Variants in CCDC88B observed in about 807,000 individuals in gnomAD.
CCDC88B encodes the protein coiled-coil domain-containing protein 88B.
A neutral mutation model predicts 183.7 loss-of-function variants in CCDC88B; 138 were observed. The ratio of observed to expected loss-of-function variants is 0.75; its 90% CI spans 0.65 to 0.87. The LOEUF is 0.87. Among genes scored for constraint, CCDC88B ranks in the 40% least tolerant of loss-of-function variants. The pLI, the probability that CCDC88B is intolerant of heterozygous loss-of-function variation, is 0.00. For missense variants in CCDC88B, 1,822 were observed against 1,965.6 expected, an observed-to-expected ratio of 0.93 and a Z score of 1.38; for synonymous variants, 835 against 867.5, an observed-to-expected ratio of 0.96 and a Z score of 0.66.
intron 14 of CCDC88B, among the ~76,000 whole-genome samples, chr11:64,348,243 G>C (rs1451214058): frequency 6.6e-6 from 1 of 151,546 alleles, no homozygotes; most frequent in Non-Finnish European, 1.5e-5. Flanking sequence ...CTGAGAGGGT[G>C]GGGGAAGCTA....
At chr11:64,351,700 C>T in intron 18 of CCDC88B, 84 bp downstream of exon 18, 3 of 1,411,616 alleles carry the variant, frequency 2.1e-6, no homozygotes, top group African/African-American at 2.9e-5. Context: ...CTTTTTCTAT[C>T]CCAGCTCCCA....
chr11:64,351,469 T>C lies in CCDC88B; in HGVS notation c.2959-7T>C. The C allele has an allele frequency of 6.3e-7, 1 of 1,584,748 alleles. No individual in the cohort carries two copies. The highest frequency in any genetic ancestry group is 8.5e-7 in the Non-Finnish European group (1 of 1,172,676). On this transcript the variant is annotated splice_region_variant and splice_polypyrimidine_tract_variant and intron_variant, in intron 17 of 26. Coordinates refer to ENST00000356786, the MANE Select transcript of CCDC88B (RefSeq NM_032251.6). ...CCTGGCTATTGCTAACCCCCACTTC[T>C]GGGCAGAATGCGATGCTGGTGGCAG...
intron 2 of CCDC88B, 23 bp downstream of exon 2, chr11:64,340,775 G>A (rs368470572): frequency 1.9e-6 from 3 of 1,591,286 alleles, no homozygotes; most frequent in East Asian, 2.2e-5. Flanking sequence ...GGGCCGGGGC[G>A]GTGGCGGGGA....
intron 22 of CCDC88B, 45 bp downstream of exon 22, chr11:64,353,541 G>C: frequency 6.3e-7 from 1 of 1,596,174 alleles, no homozygotes; most frequent in Non-Finnish European, 8.5e-7. Context: ...CATCCCCTTT[G>C]GGCGTTCCTG....
At chr11:64,349,757 T>G in intron 16 of CCDC88B, 89 bp downstream of exon 16, 1 of 1,260,956 alleles carries the variant, frequency 7.9e-7, no homozygotes, top group Non-Finnish European at 1.1e-6. Context: ...CCTCCTAGTC[T>G]TGCCTCTGGA....
intron 19 of CCDC88B, among the ~76,000 whole-genome samples, 171 bp from the exon 20 acceptor site, chr11:64,352,573 C>T (rs1368395504): frequency 6.6e-6 from 1 of 152,236 alleles, no homozygotes; most frequent in Non-Finnish European, 1.5e-5. Flanking sequence ...CCGTGGGGCT[C>T]ACCTATTGGG....
chr11:64,353,636 C>T (rs2036430305), intron 22 of CCDC88B, 79 bp from the exon 23 acceptor site: 3 of 1,589,484 alleles, frequency 1.9e-6, no homozygotes, highest in Non-Finnish European at 2.6e-6. Flanking sequence ...ACCAGTGCGT[C>T]CTCGCTGCAG....
chr11:64,343,283 C>T lies in CCDC88B; in HGVS notation c.1167C>T (p.Arg389=), dbSNP rs1401495345. 12 of 1,549,852 alleles carry T rather than the reference C, an allele frequency of 7.7e-6. No homozygotes were observed. The East Asian group carries it at 2.9e-4, about 38-fold the overall frequency. Residue 389 remains arginine (R), a synonymous_variant, in exon 11 of 27, where the codon CGC becomes CGT. Transcript: ENST00000356786. The stretch of plus-strand genomic sequence containing the variant: ...GCGCCCGGCTGCACGAGACCCAGCG[C>T]GAGAACCTGCTGCTGCGAACCCGGC... ...ERCARLHETQ[R]ENLLLRTRLG...
chr11:64,357,418 C>T lies in CCDC88B; in HGVS notation c.*324C>T. 1.4e-6 allele frequency: 1 copy of T among 717,344 alleles called. No individual in the cohort carries two copies. The highest frequency in any genetic ancestry group is 2.6e-6 in the Non-Finnish European group (1 of 385,044). The allele number at this position is 717,344 out of a possible 1,614,324, so 44.4% of individuals were successfully genotyped here. On this transcript the variant is annotated 3_prime_UTR_variant, in exon 27 of 27. Transcript: ENST00000356786. ...TGGCAGGAGTTGGCAAGAGAACCCC[C>T]TGCCCTGTCCAGGTGGGAAGCTGAG...
chr11:64,352,606 A>G, intron 19 of CCDC88B, 138 bp from the exon 20 acceptor site: 1 of 1,401,604 alleles, frequency 7.1e-7, no homozygotes, highest in Non-Finnish European at 9.6e-7. Flanking sequence ...CTGGCATGGC[A>G]TTCTGCCCAA....
At chr11:64,340,481 G>A (rs2035788315) in intron 1 of CCDC88B, 126 bp from the exon 2 acceptor site, 2 of 1,450,118 alleles carry the variant, frequency 1.4e-6, no homozygotes, top group Admixed American at 2.3e-5. Context: ...GGGGGCTGTG[G>A]TGAGGGAAGA....
chr11:64,354,037 G>T lies in CCDC88B; in HGVS notation c.3966G>T (p.Arg1322Ser). ...GCTGGCTGGCAGACAAGGTGAAGAG[G>T]CTGATGCGGCCCCGGCGGGAGGGGG... ...KGSWLADKVK[R>S]LMRPRREGGP... is the part of the protein sequence containing the mutation. Residue 1322 changes from arginine to serine, a missense_variant, in exon 24 of 27, where the codon AGG becomes AGT. Arg to Ser is a moderately radical substitution (Grantham distance 110, BLOSUM62 -1). Transcript: ENST00000356786. 1 of 1,473,916 alleles carries T rather than the reference G, an allele frequency of 6.8e-7. No individual in the cohort carries two copies. Among genetic ancestry groups the T allele is most frequent in the Non-Finnish European group, 9.0e-7 (1 of 1,108,082 alleles). The allele number at this position is 1,473,916 out of a possible 1,614,324, so 91.3% of individuals were successfully genotyped here.
chr11:64,353,544 C>A, intron 22 of CCDC88B, 48 bp downstream of exon 22: 3 of 1,595,446 alleles, frequency 1.9e-6, no homozygotes, highest in Non-Finnish European at 2.6e-6. Flanking sequence ...CCCCTTTGGG[C>A]GTTCCTGGGG....
intron 14 of CCDC88B, chr11:64,349,019 C>T (rs746773198): frequency 7.7e-5 from 55 of 717,484 alleles, no homozygotes; most frequent in Non-Finnish European, 1.3e-4. Context: ...ATCCACCTTT[C>T]ACTGCGCACA....
At chr11:64,351,082 T>C in intron 16 of CCDC88B, 78 bp from the exon 17 acceptor site, 1 of 1,027,610 alleles carries the variant, frequency 9.7e-7, no homozygotes, top group Non-Finnish European at 1.4e-6. Context: ...GCAGGGCAGG[T>C]CCATAAGCGC....
chr11:64,340,432 A>G (rs1591270248), intron 1 of CCDC88B, 106 bp downstream of exon 1: 4 of 1,099,006 alleles, frequency 3.6e-6, no homozygotes, highest in Admixed American at 3.6e-5. Flanking sequence ...GCCGGAGGGG[A>G]GGGCTGGGTT....
In CCDC88B at chr11:64,344,277, C is replaced by G. The variant is rs371045404; in HGVS notation, c.1736C>G (p.Ser579Ter). The G allele has an allele frequency of 1.9e-6, 3 of 1,613,810 alleles. No homozygotes were observed. Among genetic ancestry groups the G allele is most frequent in the Middle Eastern group, 1.6e-4 (1 of 6,062 alleles). Residue 579 changes from serine to a stop codon, truncating the protein, a stop_gained, in exon 14 of 27, where the codon TCA (serine) becomes TGA (stop). Transcript: ENST00000356786. LOFTEE classifies it high-confidence loss of function. The surrounding 1 kb of genome is among the most constrained non-coding windows in gnomAD (Gnocchi z 4.5). Reference sequence around the variant, plus strand: ...GCCTCAGACTGGTCCCCGCAAGAGTCAGGCTCTCCTGTGGAGACACAGGAG... The same window carrying G: ...GCCTCAGACTGGTCCCCGCAAGAGTGAGGCTCTCCTGTGGAGACACAGGAG... ...PQASDWSPQE[S>*]GSPVETQESP...
rs777075006 is a variant in CCDC88B at position 64,344,828 on chromosome 11, G to A, written c.2287G>A (p.Ala763Thr). ...GCTGGAGGCCCAAAACACGGAGGCT[G>A]CCCGCCTCTCCAAGGAGCTGGCCCA... ...RKLEAQNTEA[A>T]RLSKELAQAR... Residue 763 changes from alanine (A) to threonine (T), a missense_variant, in exon 14 of 27, where the codon GCC (alanine) becomes ACC (threonine). Coordinates refer to ENST00000356786, the MANE Select transcript of CCDC88B (RefSeq NM_032251.6). This position sits in a 1 kb window ranked among gnomAD's most constrained non-coding sequence, Gnocchi z 4.5. 6.2e-7 allele frequency: 1 copy of A among 1,601,106 alleles called. No individual in the cohort carries two copies.
At position 64,352,397 on chromosome 11, in the gene CCDC88B, C is replaced by A; in HGVS notation, c.3356+11C>A. On this transcript the variant is annotated intron_variant, in intron 19 of 26. Coordinates refer to ENST00000356786, the MANE Select transcript of CCDC88B (RefSeq NM_032251.6). Reference sequence around the variant, plus strand: ...GGAGCTGCAGGGCCGGTGAGCATCACCAAATGCCCAGCTCCTCCCCTGGCA... The same window carrying A: ...GGAGCTGCAGGGCCGGTGAGCATCAACAAATGCCCAGCTCCTCCCCTGGCA... 1 of 1,520,628 alleles carries A rather than the reference C, an allele frequency of 6.6e-7. No homozygotes were observed. Among genetic ancestry groups the A allele is most frequent in the Non-Finnish European group, 8.8e-7 (1 of 1,132,720 alleles). The allele number at this position is 1,520,628 out of a possible 1,614,324, so 94.2% of individuals were successfully genotyped here.
Sources: gnomAD v4.1 joint callset for allele counts (sites outside exome capture counted in the v4.1 genomes callset) on GRCh38, gnomAD v4.1.1 for gene constraint, Gnocchi (gnomAD v3.1) non-coding constraint, MANE v1.5 for transcripts, NCBI Gene and HGNC (gene_info 2026-07-23, HGNC 2026-07-21) for gene names.